Variants in SLC24A2 observed in about 807,000 individuals in gnomAD.
SLC24A2 encodes sodium/potassium/calcium exchanger 2.
SLC24A2 carries 36 observed loss-of-function variants against 62.0 expected under a neutral mutation model. The observed-to-expected ratio is 0.58, with a 90% CI of 0.44 to 0.77. The LOEUF (loss-of-function observed/expected upper bound fraction) is 0.77. Ranked by LOEUF, SLC24A2 falls within the 30% of genes least tolerant of loss-of-function variation. The probability of loss-of-function intolerance (pLI) is 0.00; values close to 1 mark genes in which losing one functional copy is unlikely to be tolerated. For synonymous variants in SLC24A2, 358 were observed against 294.0 expected, an observed-to-expected ratio of 1.22 and a Z score of -2.23; for missense variants, 846 against 817.9, an observed-to-expected ratio of 1.03 and a Z score of -0.42.
chr9:19,943,608 G>A, the SLC24A2 span, among the ~76,000 whole-genome samples: 1 of 152,132 alleles, frequency 6.6e-6, no homozygotes, highest in Non-Finnish European at 1.5e-5. Flanking sequence ...GTGCATTTGT[G>A]TCTCTTCTCT....
chr9:19,977,553 G>C, the SLC24A2 span, among the ~76,000 whole-genome samples: 1 of 152,128 alleles, frequency 6.6e-6, no homozygotes, highest in Admixed American at 6.6e-5. Context: ...ATAGAGAATA[G>C]TCTGGACACT....
At chr9:19,823,197 A>G in the SLC24A2 span, among the ~76,000 whole-genome samples, 20 of 151,984 alleles carry the variant, frequency 1.3e-4, no homozygotes, top group Admixed American at 7.2e-4. Context: ...AGATCCCCCT[A>G]TATGTTTTTT....
the SLC24A2 span, among the ~76,000 whole-genome samples, chr9:20,041,021 T>G: frequency 6.6e-6 from 1 of 152,228 alleles, no homozygotes; most frequent in Non-Finnish European, 1.5e-5. Flanking sequence ...CTCTGCTAAT[T>G]ACAGGCTCTG....
At chr9:19,853,259 A>G in the SLC24A2 span, among the ~76,000 whole-genome samples, 1 of 152,138 alleles carries the variant, frequency 6.6e-6, no homozygotes, top group Non-Finnish European at 1.5e-5. Flanking sequence ...GTAAACAGAG[A>G]CTATTTGACT....
the SLC24A2 span, among the ~76,000 whole-genome samples, chr9:20,263,862 C>CCCG: frequency 3.7e-5 from 1 of 27,324 alleles, no homozygotes; most frequent in Non-Finnish European, 6.3e-5. Flanking sequence ...ATCCCACCCG[C>CCCG]CCCCCCCCCC....
At chr9:19,993,809 T>C in the SLC24A2 span, among the ~76,000 whole-genome samples, 1 of 152,170 alleles carries the variant, frequency 6.6e-6, no homozygotes, top group African/African-American at 2.4e-5. Context: ...AAATCTCCCA[T>C]TACCACTAGT....
chr9:19,998,169 T>C, the SLC24A2 span, among the ~76,000 whole-genome samples: 1 of 152,208 alleles, frequency 6.6e-6, no homozygotes, highest in Non-Finnish European at 1.5e-5. Flanking sequence ...AATTATCATT[T>C]TCTCCATTTT....
chr9:19,819,724 A>G, the SLC24A2 span, among the ~76,000 whole-genome samples: 1 of 151,710 alleles, frequency 6.6e-6, no homozygotes, highest in East Asian at 1.9e-4. Flanking sequence ...ACATGGATGC[A>G]GTGAATAGGG....
chr9:19,653,530 A>G (rs1246855496), intron 2 of SLC24A2, among the ~76,000 whole-genome samples: 1 of 152,224 alleles, frequency 6.6e-6, no homozygotes, highest in Non-Finnish European at 1.5e-5. Flanking sequence ...AATAGTCTTC[A>G]TTCCAATAGC....
chr9:19,853,001 G>A, the SLC24A2 span, among the ~76,000 whole-genome samples: 3 of 152,094 alleles, frequency 2.0e-5, no homozygotes, highest in African/African-American at 7.2e-5. Flanking sequence ...TTGAGCAATG[G>A]TTTGTAGTTC....
At chr9:19,554,540 T>C (rs1259695994) in intron 7 of SLC24A2, among the ~76,000 whole-genome samples, 1 of 152,206 alleles carries the variant, frequency 6.6e-6, no homozygotes, top group Non-Finnish European at 1.5e-5. Flanking sequence ...CTTTATGCTT[T>C]AACAAATGGA....
chr9:20,167,229 G>A, the SLC24A2 span, among the ~76,000 whole-genome samples: 1 of 151,994 alleles, frequency 6.6e-6, no homozygotes, highest in African/African-American at 2.4e-5. Flanking sequence ...CAATCCAGGG[G>A]AAAAAAGAAT....
At chr9:19,711,896 T>G (rs938116341) in intron 2 of SLC24A2, among the ~76,000 whole-genome samples, 1 of 152,134 alleles carries the variant, frequency 6.6e-6, no homozygotes, top group East Asian at 1.9e-4. Flanking sequence ...TAAACGCAAG[T>G]TGCCAACCCA....
At chr9:20,132,535 T>A in the SLC24A2 span, among the ~76,000 whole-genome samples, 1 of 152,138 alleles carries the variant, frequency 6.6e-6, no homozygotes, top group African/African-American at 2.4e-5. Flanking sequence ...TTAACCATTA[T>A]CTCAAACACT....
chr9:19,549,218 G>A (rs897662673), intron 8 of SLC24A2, among the ~76,000 whole-genome samples: 3 of 152,230 alleles, frequency 2.0e-5, no homozygotes, highest in African/African-American at 7.2e-5. Flanking sequence ...GAAAATGTGA[G>A]TAACCTTCCT....
chr9:19,968,648 G>C, the SLC24A2 span, among the ~76,000 whole-genome samples: 2 of 152,160 alleles, frequency 1.3e-5, no homozygotes, highest in South Asian at 2.1e-4. Context: ...TTAAGACTTA[G>C]AGAAGTTAAG....
chr9:20,125,908 C>G, the SLC24A2 span, among the ~76,000 whole-genome samples: 2 of 152,190 alleles, frequency 1.3e-5, no homozygotes, highest in Non-Finnish European at 2.9e-5. Context: ...TTCCAGCATA[C>G]AGAATTGCTC....
intron 2 of SLC24A2, among the ~76,000 whole-genome samples, chr9:19,645,929 A>G (rs1256217861): frequency 5.3e-5 from 8 of 152,244 alleles, no homozygotes; most frequent in Non-Finnish European, 1.2e-4. Context: ...AGATGATTCA[A>G]TCAGTGTCTT....
At chr9:19,614,652 G>A (rs1269674394) in intron 4 of SLC24A2, among the ~76,000 whole-genome samples, 1 of 151,978 alleles carries the variant, frequency 6.6e-6, no homozygotes, top group Non-Finnish European at 1.5e-5. Context: ...GATTTCCCAG[G>A]CTAGGTCATA....
Sources: allele counts gnomAD v4.1 joint callset (sites outside exome capture counted in the v4.1 genomes callset), GRCh38; gene constraint gnomAD v4.1.1; transcripts MANE v1.5; gene names NCBI Gene and HGNC (gene_info 2026-07-23, HGNC 2026-07-21).